The following GPHN variants were observed in gnomAD, a reference collection of about 807,000 sequenced individuals.
The protein encoded by GPHN is gephyrin.
A neutral mutation model predicts 95.5 loss-of-function variants in GPHN; 17 were observed. The ratio of observed to expected loss-of-function variants is 0.18; its 90% confidence interval spans 0.12 to 0.27. The LOEUF is 0.27. Ranked by LOEUF, GPHN falls within the 10% of genes least tolerant of loss-of-function variation. The pLI is 1.00. For synonymous variants in GPHN, 320 were observed against 322.5 expected, an observed-to-expected ratio of 0.99 and a Z score of 0.08; for missense variants, 660 against 978.1, an observed-to-expected ratio of 0.67 and a Z score of 4.34.
Position 66,722,281 on chromosome 14 carries a change from A to C in GPHN, c.143+41096A>C, listed in dbSNP as rs113610125. ...AACATGAAATTGTTCTAACATACAA[A>C]ACCTTGATTTTCTAGGCAGATTACT... On this transcript the variant is annotated intron_variant, in intron 2 of 22. Coordinates refer to ENST00000478722, the MANE Select transcript of GPHN (RefSeq NM_020806.5). 3.4e-3 allele frequency among the ~76,000 whole-genome samples: 520 copies of C among 152,296 alleles called. 3 individuals are homozygous for C. The highest frequency in any genetic ancestry group is 6.1e-3 in the Non-Finnish European group (417 of 68,022).
intron 2 of GPHN, among the ~76,000 whole-genome samples, chr14:66,764,616 G>T (rs1789952284): frequency 2.0e-5 from 3 of 152,276 alleles, no homozygotes; most frequent in African/African-American, 4.8e-5. Context: ...TAAATCCAGA[G>T]AAGTGGTACA....
chr14:67,343,925 T>C, the GPHN span, among the ~76,000 whole-genome samples: 1 of 152,240 alleles, frequency 6.6e-6, no homozygotes, highest in Admixed American at 6.5e-5. Context: ...ATGCTATTGA[T>C]AACCTACATG....
chr14:66,761,023 C>A (rs1198782724), intron 2 of GPHN: 2 of 557,036 alleles, frequency 3.6e-6, no homozygotes, highest in African/African-American at 1.9e-5. Context: ...TCTTAAAAAT[C>A]TCTGTAACCA....
chr14:66,738,768 GCT>G (rs2072519932), intron 2 of GPHN, among the ~76,000 whole-genome samples: 1 of 151,886 alleles, frequency 6.6e-6, no homozygotes, highest in South Asian at 2.1e-4. Context: ...TAAATTTAGA[GCT>G]CTGTTAGGTG....
chr14:66,583,076 TC>T, intron 1 of GPHN, among the ~76,000 whole-genome samples: 1 of 151,870 alleles, frequency 6.6e-6, no homozygotes, highest in South Asian at 2.1e-4. Flanking sequence ...TGATTGCCAT[TC>T]TAACTGGTGT....
intron 18 of GPHN, among the ~76,000 whole-genome samples, chr14:67,148,135 CA>C (rs2081011551): frequency 1.3e-5 from 2 of 152,098 alleles, no homozygotes; most frequent in Admixed American, 1.3e-4. Context: ...TGAAAATGAA[CA>C]TAGAAGGTAA....
At chr14:67,249,592 T>G in the GPHN span, among the ~76,000 whole-genome samples, 4,846 of 152,352 alleles carry the variant, frequency 0.032, 117 homozygotes, top group Middle Eastern at 0.099. Flanking sequence ...GTAGTATATC[T>G]AATAAGTTCA....
chr14:67,179,708 AC>A (rs2083221363), intron 22 of GPHN, 34 bp downstream of exon 22: 1 of 1,040,856 alleles, frequency 9.6e-7, no homozygotes, highest in African/African-American at 1.6e-5. Flanking sequence ...ATTCCTAGAC[AC>A]CTATCCTGTT....
At chr14:66,552,664 C>T (rs2059857289) in intron 1 of GPHN, among the ~76,000 whole-genome samples, 1 of 152,134 alleles carries the variant, frequency 6.6e-6, no homozygotes, top group Non-Finnish European at 1.5e-5. Context: ...ATTCCACCCT[C>T]ATTTCTGAAG....
At chr14:66,678,011 T>G (rs1188057589) in intron 1 of GPHN, among the ~76,000 whole-genome samples, 13 of 152,146 alleles carry the variant, frequency 8.5e-5, no homozygotes, top group Non-Finnish European at 1.9e-4. Context: ...CCTTTTGCTG[T>G]TTTTAGAATT....
chr14:66,664,954 T>C (rs2065862063), intron 1 of GPHN, among the ~76,000 whole-genome samples: 1 of 136,716 alleles, frequency 7.3e-6, no homozygotes, highest in South Asian at 2.3e-4. Context: ...AATAACAAGT[T>C]CTGAAATTGA....
intron 8 of GPHN, among the ~76,000 whole-genome samples, chr14:66,963,124 A>G (rs374719569): frequency 6.6e-6 from 1 of 152,038 alleles, no homozygotes; most frequent in East Asian, 1.9e-4. Context: ...GAATGACTCA[A>G]ATTACTACCT....
chr14:67,695,022 A>G, the GPHN span, among the ~76,000 whole-genome samples: 1 of 151,984 alleles, frequency 6.6e-6, no homozygotes, highest in African/African-American at 2.4e-5. Context: ...CCCAGCCCTC[A>G]CCGCCCCAGT....
At chr14:67,626,229 G>C in the GPHN span, among the ~76,000 whole-genome samples, 30 of 152,086 alleles carry the variant, frequency 2.0e-4, no homozygotes, top group Admixed American at 9.8e-4. Context: ...ACTCCAGCCT[G>C]GGCAACAGAG....
At chr14:66,759,786 T>C (rs1034894114) in intron 2 of GPHN, among the ~76,000 whole-genome samples, 1 of 152,178 alleles carries the variant, frequency 6.6e-6, no homozygotes, top group Non-Finnish European at 1.5e-5. Flanking sequence ...GCTGGTTGTT[T>C]TGTAGTTTCC....
At chr14:67,266,323 A>C in the GPHN span, among the ~76,000 whole-genome samples, 1 of 147,558 alleles carries the variant, frequency 6.8e-6, no homozygotes, top group Non-Finnish European at 1.5e-5. Flanking sequence ...TGCATGAGTA[A>C]TTCAAATATT....
At chr14:66,907,789 A>G (rs1358782869) in intron 5 of GPHN, among the ~76,000 whole-genome samples, 1 of 152,124 alleles carries the variant, frequency 6.6e-6, no homozygotes, top group Non-Finnish European at 1.5e-5. Context: ...TGGGTTAACA[A>G]TTCTAATTTT....
At chr14:67,106,820 T>C (rs1031750675) in intron 13 of GPHN, among the ~76,000 whole-genome samples, 2 of 152,374 alleles carry the variant, frequency 1.3e-5, no homozygotes, top group South Asian at 2.1e-4. Flanking sequence ...CAGGAGTTCA[T>C]TGATTTCCTT....
chr14:66,870,942 A>G (rs2063409296), intron 4 of GPHN, among the ~76,000 whole-genome samples: 1 of 152,222 alleles, frequency 6.6e-6, no homozygotes, highest in South Asian at 2.1e-4. Flanking sequence ...AGCAAAGCCC[A>G]ATAAACCAAT....
Sources: allele counts gnomAD v4.1 joint callset (sites outside exome capture counted in the v4.1 genomes callset), GRCh38; gene constraint gnomAD v4.1.1; transcripts MANE v1.5; gene names NCBI Gene and HGNC (gene_info 2026-07-23, HGNC 2026-07-21).